Variants in AGBL4 observed in about 807,000 individuals in gnomAD.
AGBL4 encodes AGBL carboxypeptidase 4.
A neutral mutation model predicts 66.4 loss-of-function variants in AGBL4; 58 were observed. The observed-to-expected ratio is 0.87, with a 90% CI of 0.71 to 1.09. The LOEUF (loss-of-function observed/expected upper bound fraction) is 1.09. Ranked by LOEUF, AGBL4 falls within the 50% of genes least tolerant of loss-of-function variation. The pLI, the probability that AGBL4 is intolerant of heterozygous loss-of-function variation, is 0.00. For synonymous variants in AGBL4, 234 were observed against 222.9 expected (o/e 1.05, Z -0.44); for missense variants, 579 against 631.0 (o/e 0.92, Z 0.88).
chr1:48,961,104 T>TGTGTGTGTGTGC (rs1657938454), intron 5 of AGBL4, among the ~76,000 whole-genome samples: 1 of 151,998 alleles, frequency 6.6e-6, no homozygotes, highest in African/African-American at 2.4e-5. Context: ...TGTGTGTGTG[T>TGTGTGTGTGTGC]GTGCGTGTAT....
intron 8 of AGBL4, among the ~76,000 whole-genome samples, chr1:48,645,759 CCAT>C (rs1471902140): frequency 6.6e-6 from 1 of 152,138 alleles, no homozygotes; most frequent in Non-Finnish European, 1.5e-5. Flanking sequence ...TAGATGTTAG[CCAT>C]CATCATCACT....
chr1:49,744,364 AT>A (rs1448971589), intron 2 of AGBL4, among the ~76,000 whole-genome samples: 3 of 152,056 alleles, frequency 2.0e-5, no homozygotes, highest in African/African-American at 7.2e-5. Context: ...TTTTGCCATG[AT>A]TGGAAACTTT....
chr1:49,006,266 A>C (rs1309538190), intron 5 of AGBL4, among the ~76,000 whole-genome samples: 2 of 151,722 alleles, frequency 1.3e-5, no homozygotes, highest in Admixed American at 6.5e-5. Flanking sequence ...AGGGGTGATG[A>C]AGGGCACCTG....
In AGBL4 at chr1:49,264,550, G is replaced by GT. The variant is rs572605027; in HGVS notation, c.283-18687dup. ...TTATCCTAATGACAGCCTCCCATAA[G>GT]TTTTTTTTTTTTTGAGACGGAGTCT... is the stretch of plus-strand genomic sequence containing the variant. On this transcript the variant is annotated intron_variant, in intron 3 of 13. Transcript: ENST00000371839. 8.6e-3 allele frequency among the ~76,000 whole-genome samples: 1,246 copies of GT among 145,552 alleles called. 14 individuals carry two copies. Among genetic ancestry groups the GT allele is most frequent in the African/African-American group, 0.02 (810 of 40,084 alleles).
At chr1:48,806,558 T>C (rs965929641) in intron 6 of AGBL4, among the ~76,000 whole-genome samples, 3 of 152,170 alleles carry the variant, frequency 2.0e-5, no homozygotes, top group African/African-American at 7.2e-5. Flanking sequence ...ATTGACCCTA[T>C]CCCTTCAAAG....
chr1:49,295,172 GAGTTCTA>G (rs1644617216), intron 3 of AGBL4, among the ~76,000 whole-genome samples: 2 of 152,240 alleles, frequency 1.3e-5, no homozygotes, highest in South Asian at 4.2e-4. Context: ...GTTTCTGTTA[GAGTTCTA>G]CCTTGTACAT....
At chr1:48,756,666 C>G (rs1643946943) in intron 6 of AGBL4, among the ~76,000 whole-genome samples, 2 of 152,198 alleles carry the variant, frequency 1.3e-5, no homozygotes, top group African/African-American at 2.4e-5. Flanking sequence ...GGGTAGAGAT[C>G]CTTTTATTTT....
chr1:49,547,868 G>C (rs1361537346), intron 3 of AGBL4, among the ~76,000 whole-genome samples: 1 of 151,816 alleles, frequency 6.6e-6, no homozygotes, highest in African/African-American at 2.4e-5. Context: ...CTGCCTCCCG[G>C]GTTCAAGTGA....
chr1:48,849,206 G>C (rs966370581), intron 6 of AGBL4, among the ~76,000 whole-genome samples: 2 of 152,144 alleles, frequency 1.3e-5, no homozygotes, highest in Non-Finnish European at 2.9e-5. Context: ...TCCTTATTAA[G>C]TTTATTTCTA....
intron 4 of AGBL4, among the ~76,000 whole-genome samples, chr1:49,204,233 C>A (rs1647950490): frequency 6.6e-6 from 1 of 151,936 alleles, no homozygotes; most frequent in African/African-American, 2.4e-5. Flanking sequence ...AGGAGTATAA[C>A]CTTTATTCCA....
intron 9 of AGBL4, among the ~76,000 whole-genome samples, chr1:48,619,556 C>G (rs1645374747): frequency 6.6e-6 from 1 of 152,182 alleles, no homozygotes; most frequent in Admixed American, 6.5e-5. Context: ...TGCTTTCATT[C>G]ACCCCACCCA....
At chr1:49,455,073 T>C (rs1646359970) in intron 3 of AGBL4, among the ~76,000 whole-genome samples, 1 of 151,674 alleles carries the variant, frequency 6.6e-6, no homozygotes, top group Non-Finnish European at 1.5e-5. Context: ...TAAAAGGTGG[T>C]TACAAACACA....
chr1:49,527,039 A>G (rs1558022656), intron 3 of AGBL4, among the ~76,000 whole-genome samples: 1 of 152,170 alleles, frequency 6.6e-6, no homozygotes, highest in Non-Finnish European at 1.5e-5. Flanking sequence ...TCTCTTATTT[A>G]AGTAACATTT....
At chr1:49,160,443 C>A (rs1041113256) in intron 4 of AGBL4, among the ~76,000 whole-genome samples, 1 of 152,144 alleles carries the variant, frequency 6.6e-6, no homozygotes, top group African/African-American at 2.4e-5. Context: ...GGGGCACCCA[C>A]CAGATGCCAG....
intron 6 of AGBL4, among the ~76,000 whole-genome samples, chr1:48,774,391 T>C (rs1215142372): frequency 1.3e-5 from 2 of 152,142 alleles, no homozygotes; most frequent in African/African-American, 4.8e-5. Context: ...ACCCTGGCCC[T>C]TCGATCAGGT....
chr1:49,745,089 T>C (rs1558215158), intron 2 of AGBL4, among the ~76,000 whole-genome samples: 1 of 152,094 alleles, frequency 6.6e-6, no homozygotes, highest in Non-Finnish European at 1.5e-5. Context: ...GTAAATGGAT[T>C]AAGCACTCCA....
intron 2 of AGBL4, among the ~76,000 whole-genome samples, chr1:49,794,289 C>A (rs922202595): frequency 2.0e-5 from 3 of 151,742 alleles, no homozygotes; most frequent in African/African-American, 7.3e-5. Flanking sequence ...AAGTTCTCCC[C>A]ATAACAAAAA....
intron 6 of AGBL4, among the ~76,000 whole-genome samples, chr1:48,674,450 C>T (rs943016714): frequency 9.9e-5 from 15 of 151,328 alleles, no homozygotes; most frequent in African/African-American, 3.4e-4. Flanking sequence ...TTCCTTCTCC[C>T]TCACCCCAAG....
intron 2 of AGBL4, among the ~76,000 whole-genome samples, chr1:49,813,949 T>G (rs530706833): frequency 4.4e-4 from 67 of 152,234 alleles, no homozygotes; most frequent in African/African-American, 1.6e-3. Context: ...ATTCTCATGA[T>G]AGTGAATATG....
Sources: allele counts gnomAD v4.1 joint callset (sites outside exome capture counted in the v4.1 genomes callset), GRCh38; gene constraint gnomAD v4.1.1; transcripts MANE v1.5; gene names NCBI Gene and HGNC (gene_info 2026-07-23, HGNC 2026-07-21).